NEDD4: variants seen among roughly 807,000 people sequenced by gnomAD.
NEDD4 encodes the protein E3 ubiquitin-protein ligase NEDD4.
NEDD4 carries 99 observed loss-of-function variants against 144.9 expected under a neutral mutation model. The ratio of observed to expected loss-of-function variants is 0.68; its 90% CI spans 0.58 to 0.81. The LOEUF (loss-of-function observed/expected upper bound fraction) is 0.81, where lower values mean the gene tolerates loss of function less well. NEDD4 is among the 30% of genes least tolerant of loss of function. The pLI, the probability that NEDD4 is intolerant of heterozygous loss-of-function variation, is 0.00. For missense variants in NEDD4, 985 were observed against 1,065.9 expected, an observed-to-expected ratio of 0.92 and a Z score of 1.06; for synonymous variants, 318 against 350.6, an observed-to-expected ratio of 0.91 and a Z score of 1.04.
chr15:55,902,070 C>T (rs55963708), intron 5 of NEDD4, among the ~76,000 whole-genome samples: 5,640 of 152,148 alleles, frequency 0.037, 149 homozygotes, highest in Non-Finnish European at 0.057. Context: ...GCAATTAAGG[C>T]TTAGATAAGA....
chr15:55,841,242 A>G (rs2033489199), intron 19 of NEDD4, among the ~76,000 whole-genome samples: 1 of 152,166 alleles, frequency 6.6e-6, no homozygotes, highest in Non-Finnish European at 1.5e-5. Context: ...TAAACAAAGC[A>G]TTATATGCAA....
intron 5 of NEDD4, chr15:55,916,005 G>A (rs1223238496): frequency 6.2e-7 from 1 of 1,613,820 alleles, no homozygotes; most frequent in South Asian, 1.1e-5. Flanking sequence ...AGTCGGTCGG[G>A]TAGTTGAAGG....
In NEDD4 at chr15:55,978,301, T is replaced by C. The variant is rs546873905; in HGVS notation, c.46-11755A>G. Among the ~76,000 whole-genome samples the C allele has an allele frequency of 4.0e-4, 61 of 152,354 alleles. 1 individual carries two copies. The highest frequency in any genetic ancestry group is 7.8e-4 in the Admixed American group (12 of 15,302). On this transcript the variant is annotated intron_variant, in intron 1 of 28. Transcript: ENST00000435532. ...AAAAATCAGAACTAGTTATTTTAAA[T>C]GCTAAGATTAATTGATAAGCTATAC...
At chr15:55,864,619 TG>T (rs1295802852) in intron 8 of NEDD4, among the ~76,000 whole-genome samples, 1 of 137,530 alleles carries the variant, frequency 7.3e-6, no homozygotes, top group Non-Finnish European at 1.5e-5. Flanking sequence ...GAGGCGGAGG[TG>T]ATGGTGAGCC....
chr15:55,829,747 T>C lies in NEDD4; in HGVS notation c.*150A>G, dbSNP rs2032854709. 3 of 585,656 alleles carry C rather than the reference T, an allele frequency of 5.1e-6. No individual in the cohort carries two copies. The highest frequency in any genetic ancestry group is 4.3e-5 in the South Asian group (2 of 46,428). 36.3% of individuals were successfully genotyped at this position (585,656 alleles called of 1,614,324 possible). A position where few individuals can be genotyped will look rare whatever the true frequency, so the allele number is the denominator to read the frequency against. On this transcript the variant is annotated 3_prime_UTR_variant, in exon 29 of 29. Transcript: ENST00000435532. ...AAAAGTGATTAAAAATAAGTTGTCG[T>C]ACTATTTCTTCAAATGCTTTTTATA...
At position 55,991,057 on chromosome 15, in the gene NEDD4, G is replaced by A. The variant is rs142067415; in HGVS notation, c.45+2454C>T. Among the ~76,000 whole-genome samples, 154 of 152,244 alleles carry A rather than the reference G, an allele frequency of 1.0e-3. 1 individual carries two copies. The highest frequency in any genetic ancestry group is 3.5e-3 in the African/African-American group (145 of 41,548). On this transcript the variant is annotated intron_variant, in intron 1 of 28. Transcript: ENST00000435532. The stretch of plus-strand genomic sequence containing the variant: ...TAATATGCTCAGACACTGACTCAGC[G>A]ACTATTCACTATATACTGATTAAAT...
chr15:55,895,249 A>G (rs2035702051), intron 5 of NEDD4, among the ~76,000 whole-genome samples: 1 of 152,316 alleles, frequency 6.6e-6, no homozygotes, highest in Admixed American at 6.5e-5. Flanking sequence ...CTGCCAAGCT[A>G]CTAGGGAAAG....
At chr15:55,955,808 T>C (rs1272864152) in intron 2 of NEDD4, among the ~76,000 whole-genome samples, 3 of 147,248 alleles carry the variant, frequency 2.0e-5, no homozygotes, top group Non-Finnish European at 4.5e-5. Context: ...AAAGGATCTA[T>C]ACTACATTTT....
chr15:55,927,218 G>T (rs144608484), intron 4 of NEDD4, among the ~76,000 whole-genome samples: 5 of 151,894 alleles, frequency 3.3e-5, no homozygotes, highest in Admixed American at 3.3e-4. Flanking sequence ...TAAATGAGAA[G>T]GTATAGAGAA....
intron 5 of NEDD4, among the ~76,000 whole-genome samples, chr15:55,875,390 A>G (rs2034959320): frequency 1.3e-5 from 2 of 152,092 alleles, no homozygotes; most frequent in South Asian, 4.2e-4. Context: ...GCTAACTGCA[A>G]CCTCTACTTC....
intron 5 of NEDD4, chr15:55,915,741 G>A: frequency 6.2e-7 from 1 of 1,613,938 alleles, no homozygotes; most frequent in Non-Finnish European, 8.5e-7. Context: ...TTCACAGACA[G>A]TCTGTCTGGG....
chr15:55,910,639 C>G (rs2036242356), intron 5 of NEDD4, among the ~76,000 whole-genome samples: 1 of 151,974 alleles, frequency 6.6e-6, no homozygotes, highest in African/African-American at 2.4e-5. Flanking sequence ...TCTACATTTC[C>G]AACTCTCACT....
intron 18 of NEDD4, among the ~76,000 whole-genome samples, chr15:55,844,368 A>G (rs1330896708): frequency 6.6e-6 from 1 of 151,280 alleles, no homozygotes; most frequent in African/African-American, 2.4e-5. Flanking sequence ...GGTTTTAAAG[A>G]GGAGAAACAA....
intron 5 of NEDD4, among the ~76,000 whole-genome samples, chr15:55,914,168 T>C (rs1258989751): frequency 6.6e-6 from 1 of 151,232 alleles, no homozygotes; most frequent in Non-Finnish European, 1.5e-5. Flanking sequence ...TAGCAATTAC[T>C]ATTTTATTCA....
chr15:55,976,837 G>A (rs1047119077), intron 1 of NEDD4, among the ~76,000 whole-genome samples: 13 of 151,940 alleles, frequency 8.6e-5, no homozygotes, highest in Admixed American at 1.3e-4. Flanking sequence ...GTTTCACCGT[G>A]TTAGCAAGGA....
At chr15:55,856,296 G>C in intron 11 of NEDD4, 100 bp from the exon 12 acceptor site, 1 of 1,007,696 alleles carries the variant, frequency 9.9e-7, no homozygotes, top group South Asian at 1.4e-5. Flanking sequence ...GGGCAGAAGA[G>C]AGAAGGCTGG....
intron 4 of NEDD4, among the ~76,000 whole-genome samples, chr15:55,935,864 A>G (rs1254762983): frequency 6.6e-6 from 1 of 151,254 alleles, no homozygotes; most frequent in Non-Finnish European, 1.5e-5. Flanking sequence ...AAAAAAAAAA[A>G]AGATACTCAG....
chr15:55,869,889 A>AAATAAATAAATAAATCAATC (rs58734138), intron 7 of NEDD4, among the ~76,000 whole-genome samples: 2 of 149,872 alleles, frequency 1.3e-5, no homozygotes, highest in African/African-American at 2.4e-5. Context: ...ATAAATAAAT[A>AAATAAATAAATAAATCAATC]AATAATTGTT....
intron 5 of NEDD4, among the ~76,000 whole-genome samples, chr15:55,907,766 C>A (rs1050011128): frequency 3.3e-5 from 5 of 152,198 alleles, no homozygotes; most frequent in Non-Finnish European, 7.3e-5. Flanking sequence ...TTTTATAAAA[C>A]AACGATAAAC....
Sources: allele counts gnomAD v4.1 joint callset (sites outside exome capture counted in the v4.1 genomes callset), GRCh38; gene constraint gnomAD v4.1.1; transcripts MANE v1.5; gene names NCBI Gene and HGNC (gene_info 2026-07-23, HGNC 2026-07-21).